Variants in SVEP1 observed in about 807,000 individuals in gnomAD.
SVEP1 encodes the protein sushi, von Willebrand factor type A, EGF and pentraxin domain-containing protein 1.
Under a neutral mutation model 367.3 loss-of-function variants are expected in SVEP1, and 164 were observed. The observed-to-expected ratio is 0.45, with a 90% CI of 0.39 to 0.51. SVEP1 has a LOEUF of 0.51. SVEP1 is among the 20% of genes least tolerant of loss of function. The pLI is 0.00. For synonymous variants in SVEP1, 1,666 were observed against 1,611.6 expected (o/e 1.03, Z -0.81); for missense variants, 4,117 against 4,425.3 (o/e 0.93, Z 1.98).
intron 27 of SVEP1, among the ~76,000 whole-genome samples, chr9:110,440,052 T>C (rs1828490264): frequency 6.6e-6 from 1 of 152,192 alleles, no homozygotes; most frequent in Non-Finnish European, 1.5e-5. Flanking sequence ...AGAGAAGAGA[T>C]AGTTGAAAAC....
chr9:110,498,815 A>G (rs7869676), intron 7 of SVEP1, among the ~76,000 whole-genome samples: 21,370 of 151,886 alleles, frequency 0.14, 1,684 homozygotes, highest in African/African-American at 0.2. Context: ...CAGCTCTACT[A>G]TTTTCCTTAT....
intron 14 of SVEP1, among the ~76,000 whole-genome samples, chr9:110,475,072 T>A (rs1829078394): frequency 6.6e-6 from 1 of 151,680 alleles, no homozygotes; most frequent in East Asian, 1.9e-4. Flanking sequence ...ATTAACAGTC[T>A]TATTTCTGGG....
At chr9:110,409,254 G>A (rs1446387353) in intron 37 of SVEP1, among the ~76,000 whole-genome samples, 1 of 151,990 alleles carries the variant, frequency 6.6e-6, no homozygotes, top group African/African-American at 2.4e-5. Flanking sequence ...TGGCCAACAT[G>A]GTGAAACCTG....
At position 110,469,109 on chromosome 9, in the gene SVEP1, A is replaced by G; in HGVS notation, c.2999-8T>C. The G allele has an allele frequency of 6.2e-7, 1 of 1,608,072 alleles. No homozygotes were observed. The highest frequency in any genetic ancestry group is 1.7e-5 in the Admixed American group (1 of 59,266). On this transcript the variant is annotated splice_polypyrimidine_tract_variant and splice_region_variant and intron_variant, in intron 16 of 47. Coordinates refer to ENST00000374469, the MANE Select transcript of SVEP1 (RefSeq NM_153366.4). ...TTCCCAAAGGGCAATTGACTACAGA[A>G]AAAGCAAACAGGAAACACTGAATAA... is the stretch of plus-strand genomic sequence containing the variant.
chr9:110,386,189 G>A (rs1001263420), intron 42 of SVEP1, 115 bp from the exon 43 acceptor site: 11 of 1,142,916 alleles, frequency 9.6e-6, no homozygotes, highest in South Asian at 2.1e-5. Context: ...GATCATATAA[G>A]GTTTAAAAAT....
intron 18 of SVEP1, among the ~76,000 whole-genome samples, chr9:110,460,086 T>C (rs1372267443): frequency 6.6e-6 from 1 of 152,154 alleles, no homozygotes; most frequent in Non-Finnish European, 1.5e-5. Context: ...CTATGAGACG[T>C]TCAGCAAAAT....
chr9:110,506,617 C>A (rs1290245615), intron 5 of SVEP1, among the ~76,000 whole-genome samples: 6 of 152,306 alleles, frequency 3.9e-5, no homozygotes, highest in Non-Finnish European at 8.8e-5. Flanking sequence ...CCTCCAGGAG[C>A]CTCTGATCTA....
At chr9:110,370,550 TTG>T (rs1443026395) in intron 46 of SVEP1, among the ~76,000 whole-genome samples, 1 of 152,168 alleles carries the variant, frequency 6.6e-6, no homozygotes, top group Non-Finnish European at 1.5e-5. Flanking sequence ...CAACATCCCT[TTG>T]TGTTTGGAGA....
At chr9:110,543,731 C>T (rs1830182878) in intron 3 of SVEP1, among the ~76,000 whole-genome samples, 2 of 152,172 alleles carry the variant, frequency 1.3e-5, no homozygotes, top group African/African-American at 4.8e-5. Context: ...AGCAGACATG[C>T]TGACTACAGC....
At chr9:110,366,730 T>C (rs748332902) in intron 47 of SVEP1, among the ~76,000 whole-genome samples, 170 bp from the exon 48 acceptor site, 2 of 152,210 alleles carry the variant, frequency 1.3e-5, no homozygotes, top group Non-Finnish European at 2.9e-5. Context: ...CTAAGAGGCA[T>C]GGGAAACAAG....
intron 3 of SVEP1, 144 bp downstream of exon 3, chr9:110,545,971 G>T: frequency 2.0e-6 from 2 of 1,021,908 alleles, no homozygotes; most frequent in Non-Finnish European, 2.8e-6. Context: ...AAATGAGTCA[G>T]CACAGCTGAA....
At chr9:110,435,057 T>C (rs1828413218) in intron 29 of SVEP1, among the ~76,000 whole-genome samples, 184 bp downstream of exon 29, 2 of 152,150 alleles carry the variant, frequency 1.3e-5, no homozygotes, top group Admixed American at 1.3e-4. Flanking sequence ...ACAGAATATA[T>C]TTTTGCATTA....
chr9:110,385,192 G>T (rs1176764436), intron 43 of SVEP1, among the ~76,000 whole-genome samples: 3 of 151,998 alleles, frequency 2.0e-5, no homozygotes, highest in Admixed American at 6.6e-5. Flanking sequence ...TGTTGGCTGG[G>T]CTGGTCTTGA....
At chr9:110,372,222 C>T (rs1403423227) in intron 46 of SVEP1, among the ~76,000 whole-genome samples, 2 of 152,202 alleles carry the variant, frequency 1.3e-5, no homozygotes, top group Admixed American at 1.3e-4. Context: ...TTCTGAACTT[C>T]AACATTTGGT....
intron 1 of SVEP1, among the ~76,000 whole-genome samples, chr9:110,552,691 C>T (rs188071906): frequency 1.1e-4 from 16 of 152,104 alleles, no homozygotes; most frequent in Non-Finnish European, 1.9e-4. Flanking sequence ...CTGATCTGAC[C>T]GAAGGCAGAG....
chr9:110,370,116 C>T, intron 46 of SVEP1, 100 bp from the exon 47 acceptor site: 1 of 1,031,970 alleles, frequency 9.7e-7, no homozygotes, highest in Non-Finnish European at 1.5e-6. Context: ...CTTCCTGCAG[C>T]AGCCACTGCT....
intron 45 of SVEP1, 101 bp from the exon 46 acceptor site, chr9:110,375,564 T>C (rs1827339996): frequency 2.8e-6 from 3 of 1,081,084 alleles, no homozygotes; most frequent in Non-Finnish European, 3.9e-6. Flanking sequence ...AGAAAACATT[T>C]TGCAGGAGTG....
Position 110,387,449 on chromosome 9 carries a change from C to T in SVEP1, c.9896G>A (p.Cys3299Tyr). The change falls in exon 42 of 48, where the codon TGT becomes TAT. Residue 3299 changes from cysteine to tyrosine, a missense_variant. Coordinates refer to ENST00000374469, the MANE Select transcript of SVEP1 (RefSeq NM_153366.4). ...GGVAICKETRCETPLEFLNGK... is the reference protein window; with the variant it reads ...GGVAICKETRYETPLEFLNGK... ...ATTGAGAAATTCAAGTGGAGTTTCA[C>T]ACCTGGTCTCTAAAAACAAGAATAA... 4 of 1,602,098 alleles carry T rather than the reference C, an allele frequency of 2.5e-6. No individual in the cohort carries two copies. The highest frequency in any genetic ancestry group is 3.4e-6 in the Non-Finnish European group (4 of 1,176,924).
At chr9:110,500,794 T>C (rs924762001) in intron 6 of SVEP1, among the ~76,000 whole-genome samples, 2 of 152,086 alleles carry the variant, frequency 1.3e-5, no homozygotes, top group Non-Finnish European at 2.9e-5. Flanking sequence ...TTCTTAATCT[T>C]TGCAGATTAA....
Sources: allele counts gnomAD v4.1 joint callset (sites outside exome capture counted in the v4.1 genomes callset), GRCh38; gene constraint gnomAD v4.1.1; transcripts MANE v1.5; gene names NCBI Gene and HGNC (gene_info 2026-07-23, HGNC 2026-07-21).